Variants in TEC observed in about 807,000 individuals in gnomAD.
The protein encoded by TEC is tec protein tyrosine kinase.
A neutral mutation model predicts 93.0 loss-of-function variants in TEC; 72 were observed. The observed-to-expected ratio is 0.77, with a 90% CI of 0.64 to 0.94. TEC has a LOEUF of 0.94. Ranked by LOEUF, TEC falls within the 40% of genes least tolerant of loss-of-function variation. The pLI, the probability that TEC is intolerant of heterozygous loss-of-function variation, is 0.00. For missense variants in TEC, 630 were observed against 757.9 expected (o/e 0.83, Z 1.98); for synonymous variants, 249 against 247.7 (o/e 1.01, Z -0.05).
At chr4:48,263,266 A>G (rs1157539923) in intron 1 of TEC, among the ~76,000 whole-genome samples, 1 of 152,166 alleles carries the variant, frequency 6.6e-6, no homozygotes, top group Admixed American at 6.5e-5. Flanking sequence ...AATAATGATA[A>G]CTTCCATTGA....
intron 1 of TEC, among the ~76,000 whole-genome samples, chr4:48,232,251 T>C (rs1192743731): frequency 6.6e-6 from 1 of 151,842 alleles, no homozygotes; most frequent in Non-Finnish European, 1.5e-5. Flanking sequence ...ATCACGCCAT[T>C]GTGCTACAGT....
intron 2 of TEC, among the ~76,000 whole-genome samples, chr4:48,204,042 A>T (rs1722622228): frequency 6.6e-6 from 1 of 152,200 alleles, no homozygotes; most frequent in Admixed American, 6.5e-5. Context: ...CTATATTTGC[A>T]TTTGGTCAAT....
At chr4:48,182,821 TA>T (rs1332205328) in intron 2 of TEC, among the ~76,000 whole-genome samples, 3 of 152,176 alleles carry the variant, frequency 2.0e-5, no homozygotes, top group Non-Finnish European at 4.4e-5. Context: ...ATATCCATCC[TA>T]ATCTAAAGAA....
At chr4:48,237,742 CTTAG>C (rs1723824537) in intron 1 of TEC, among the ~76,000 whole-genome samples, 1 of 152,184 alleles carries the variant, frequency 6.6e-6, no homozygotes, top group Non-Finnish European at 1.5e-5. Context: ...ATTATTAAAA[CTTAG>C]TTAAAGCCCT....
At chr4:48,146,207 A>T in intron 12 of TEC, 118 bp downstream of exon 12, 2 of 854,414 alleles carry the variant, frequency 2.3e-6, no homozygotes, top group Non-Finnish European at 3.7e-6. Flanking sequence ...AAAAACCTAT[A>T]CTATAAACTT....
intron 2 of TEC, among the ~76,000 whole-genome samples, chr4:48,206,777 CAAAAAAAAAAA>C (rs34761710): frequency 3.4e-5 from 3 of 89,196 alleles, no homozygotes; most frequent in Non-Finnish European, 4.8e-5. Flanking sequence ...CTCGTTGCTA[CAAAAAAAAAAA>C]AAAAAAAAAA....
At chr4:48,169,538 T>C (rs1336429352) in intron 5 of TEC, among the ~76,000 whole-genome samples, 1 of 152,114 alleles carries the variant, frequency 6.6e-6, no homozygotes, top group Non-Finnish European at 1.5e-5. Flanking sequence ...TCGTTCATAA[T>C]ACAGCATCCC....
At chr4:48,219,362 T>C (rs984607803) in intron 2 of TEC, among the ~76,000 whole-genome samples, 4 of 152,324 alleles carry the variant, frequency 2.6e-5, no homozygotes, top group Non-Finnish European at 5.9e-5. Context: ...GGGAACATTC[T>C]GCTCCACCAG....
At chr4:48,224,039 A>T (rs1309333819) in intron 2 of TEC, among the ~76,000 whole-genome samples, 2 of 151,988 alleles carry the variant, frequency 1.3e-5, no homozygotes, top group African/African-American at 4.8e-5. Context: ...CCCTTTACTG[A>T]TTTTGTTTTG....
At chr4:48,186,228 C>T (rs1721836553) in intron 2 of TEC, among the ~76,000 whole-genome samples, 1 of 152,220 alleles carries the variant, frequency 6.6e-6, no homozygotes, top group African/African-American at 2.4e-5. Flanking sequence ...TCCCAGCCGC[C>T]TGCCTTGGCC....
chr4:48,220,470 T>A (rs1374959370), intron 2 of TEC, among the ~76,000 whole-genome samples: 2 of 151,948 alleles, frequency 1.3e-5, no homozygotes, highest in Non-Finnish European at 2.9e-5. Flanking sequence ...TCATGTGAGA[T>A]CTGGTTGTTT....
chr4:48,137,976 C>A (rs1303488718), intron 17 of TEC, among the ~76,000 whole-genome samples: 2 of 152,178 alleles, frequency 1.3e-5, no homozygotes, highest in Admixed American at 6.5e-5. Flanking sequence ...CTCTGCCCAT[C>A]CCAATCAATG....
At chr4:48,187,164 G>A (rs972652704) in intron 2 of TEC, among the ~76,000 whole-genome samples, 14 of 152,136 alleles carry the variant, frequency 9.2e-5, no homozygotes, top group Non-Finnish European at 1.9e-4. Flanking sequence ...CATGTGCTGT[G>A]TCCACTCAGG....
At chr4:48,169,075 T>C (rs1417147421) in intron 5 of TEC, among the ~76,000 whole-genome samples, 1 of 152,186 alleles carries the variant, frequency 6.6e-6, no homozygotes, top group East Asian at 1.9e-4. Flanking sequence ...GACCAAATTC[T>C]AATCAAAGGA....
At chr4:48,143,934 G>A (rs148196604) in intron 14 of TEC, among the ~76,000 whole-genome samples, 2 of 152,262 alleles carry the variant, frequency 1.3e-5, no homozygotes, top group African/African-American at 4.8e-5. Flanking sequence ...TTTAAAAAAT[G>A]TTTTGCTAAG....
chr4:48,170,311 G>A lies in TEC; in HGVS notation c.391C>T (p.Gln131Ter). 1 of 1,556,900 alleles carries A rather than the reference G, an allele frequency of 6.4e-7. No individual in the cohort carries two copies. The highest frequency in any genetic ancestry group is 8.8e-7 in the Non-Finnish European group (1 of 1,130,148). ...AATTTTTCAGTTTGTCTACAACACT[G>A]ATAACTTCCATCTGTCCAGAATTTA... ...HPKFWTDGSY[Q>*]CCRQTEKLAP... Residue 131 changes from glutamine to a stop codon, truncating the protein, a stop_gained, in exon 5 of 18, where the codon CAG becomes TAG. Coordinates refer to ENST00000381501, the MANE Select transcript of TEC (RefSeq NM_003215.3). LOFTEE classifies it high-confidence loss of function.
intron 10 of TEC, among the ~76,000 whole-genome samples, chr4:48,150,581 T>C (rs1437032825): frequency 6.6e-6 from 1 of 152,224 alleles, no homozygotes; most frequent in Admixed American, 6.5e-5. Flanking sequence ...CCTTTGCTCA[T>C]ATTTTTATCC....
intron 2 of TEC, among the ~76,000 whole-genome samples, chr4:48,187,789 T>C (rs949697460): frequency 1.3e-5 from 2 of 152,212 alleles, no homozygotes; most frequent in Non-Finnish European, 2.9e-5. Context: ...TTACAATACA[T>C]TGTGTAAAAA....
At chr4:48,141,484 A>G (rs979143714) in intron 14 of TEC, 65 bp from the exon 15 acceptor site, 3 of 1,467,988 alleles carry the variant, frequency 2.0e-6, no homozygotes, top group Non-Finnish European at 2.8e-6. Flanking sequence ...GGAAAATGTA[A>G]GTTCTATTTA....
Sources: allele counts gnomAD v4.1 joint callset (sites outside exome capture counted in the v4.1 genomes callset), GRCh38; gene constraint gnomAD v4.1.1; transcripts MANE v1.5; gene names NCBI Gene and HGNC (gene_info 2026-07-23, HGNC 2026-07-21).